The following C7orf25 variants were observed in gnomAD, a reference collection of about 807,000 sequenced individuals.
C7orf25 encodes chromosome 7 open reading frame 25, also known as UPF0415 protein C7orf25.
C7orf25 carries 14 observed loss-of-function variants against 25.5 expected under a neutral mutation model. That is an observed-to-expected ratio of 0.55 (90% confidence interval 0.36 to 0.86). C7orf25 has a LOEUF of 0.86. Ranked by LOEUF, C7orf25 falls within the 40% of genes least tolerant of loss-of-function variation. C7orf25 has a pLI of 0.01. For synonymous variants in C7orf25, 184 were observed against 179.9 expected, an observed-to-expected ratio of 1.02 and a Z score of -0.18; for missense variants, 405 against 493.9, an observed-to-expected ratio of 0.82 and a Z score of 1.71.
At position 42,911,936 on chromosome 7, in the gene C7orf25, C is replaced by A; in HGVS notation, c.-43G>T. On this transcript the variant is annotated 5_prime_UTR_variant, in exon 1 of 2. Coordinates refer to ENST00000350427, the MANE Select transcript of C7orf25 (RefSeq NM_001099858.2). The stretch of plus-strand genomic sequence containing the variant: ...TCACCGGCAGCGCCAGAACCGCGAG[C>A]GCGAGCACGCAGGCGCGTGCACGCA... The A allele has an allele frequency of 6.7e-7, 1 of 1,481,512 alleles. No homozygotes were observed. Among genetic ancestry groups the A allele is most frequent in the East Asian group, 2.9e-5 (1 of 34,174 alleles). 91.8% of individuals were successfully genotyped at this position (1,481,512 alleles called of 1,614,324 possible).
chr7:42,911,950 C>CGCT lies in C7orf25; in HGVS notation c.-58_-57insAGC. ...AGAACCGCGAGCGCGAGCACGCAGG[C>CGCT]GCGTGCACGCAGAGGCCGGGACCCG... On this transcript the variant is annotated 5_prime_UTR_variant, in exon 1 of 2. Transcript: ENST00000350427. 1 of 1,488,724 alleles carries CGCT rather than the reference C, an allele frequency of 6.7e-7. No homozygotes were observed. The highest frequency in any genetic ancestry group is 8.9e-7 in the Non-Finnish European group (1 of 1,127,340). The allele number at this position is 1,488,724 out of a possible 1,614,324, so 92.2% of individuals were successfully genotyped here.
In C7orf25 at chr7:42,910,655, C is replaced by G; in HGVS notation, c.246G>C (p.Leu82=). 1 of 1,614,116 alleles carries G rather than the reference C, an allele frequency of 6.2e-7. No individual in the cohort carries two copies. Among genetic ancestry groups the G allele is most frequent in the Non-Finnish European group, 8.5e-7 (1 of 1,180,044 alleles). The stretch of plus-strand genomic sequence containing the variant: ...CATGAAGAACACTAACAACTTCTTC[C>G]AGGTTTTCTGCTGATTCCACAATGG... The part of the protein sequence containing the change: ...LRAIVESAEN[L]EEVVSVLHVF... The change falls in exon 2 of 2, where the codon CTG becomes CTC. Residue 82 remains leucine (L), a synonymous_variant. Transcript: ENST00000350427.
Position 42,910,939 on chromosome 7 carries a change from G to C in C7orf25, c.-21-18C>G. 1.2e-6 allele frequency: 2 copies of C among 1,607,906 alleles called. No homozygotes were observed. Among genetic ancestry groups the C allele is most frequent in the Non-Finnish European group, 1.7e-6 (2 of 1,179,338 alleles). The stretch of plus-strand genomic sequence containing the variant: ...TTCCTTTCCTAGGGAAAGAAACAAG[G>C]CAAACTTCAGTAGTCTCCTAAAATT... On this transcript the variant is annotated intron_variant, in intron 1 of 1. Coordinates refer to ENST00000350427, the MANE Select transcript of C7orf25 (RefSeq NM_001099858.2).
At chr7:42,911,853 C>A (rs578013526) in intron 1 of C7orf25, 62 bp downstream of exon 1, 212 of 1,372,340 alleles carry the variant, frequency 1.5e-4, no homozygotes, top group Admixed American at 2.6e-4. Flanking sequence ...TGCCCAGCCC[C>A]CTCTGGCCTC....
rs556021449 is a variant in C7orf25 at position 42,909,348 on chromosome 7, T to C, written c.*287A>G. On this transcript the variant is annotated 3_prime_UTR_variant, in exon 2 of 2. Coordinates refer to ENST00000350427, the MANE Select transcript of C7orf25 (RefSeq NM_001099858.2). ...TGAAATGTGGTTAGCAGTAGGGGAG[T>C]TGTAGCCCTATCGAATCAAAGTATT... 1.2e-4 allele frequency: 37 copies of C among 320,994 alleles called. No individual in the cohort carries two copies. The highest frequency in any genetic ancestry group is 1.8e-4 in the Non-Finnish European group (32 of 176,422). The allele number at this position is 320,994 out of a possible 1,614,324, so 19.9% of individuals were successfully genotyped here.
At chr7:42,911,684 T>C (rs1785904324) in intron 1 of C7orf25, 2 of 1,146,622 alleles carry the variant, frequency 1.7e-6, no homozygotes, top group Admixed American at 4.8e-5. Flanking sequence ...CGGCGGGGCC[T>C]TCTCGGTGGG....
intron 1 of C7orf25, 47 bp downstream of exon 1, chr7:42,911,868 G>A (rs1164639740): frequency 1.4e-6 from 2 of 1,395,908 alleles, no homozygotes; most frequent in African/African-American, 1.5e-5. Flanking sequence ...GGCCTCAGAA[G>A]AGGCGCCCCG....
rs1321804938 is a variant in C7orf25 at position 42,910,453 on chromosome 7, G to C, written c.448C>G (p.Leu150Val). ...KSIIEQAEDF[L>V]QASHQQPVQY... Reference sequence around the variant, plus strand: ...ACTGGCTGCTGGTGACTGGCCTGGAGGAAGTCTTCAGCCTGCTCAATGATG... The same window carrying C: ...ACTGGCTGCTGGTGACTGGCCTGGACGAAGTCTTCAGCCTGCTCAATGATG... The change falls in exon 2 of 2, where the codon CTC becomes GTC. Residue 150 changes from leucine (L) to valine (V), a missense_variant. Physicochemically the swap from Leu to Val is conservative, Grantham distance 32. Coordinates refer to ENST00000350427, the MANE Select transcript of C7orf25 (RefSeq NM_001099858.2). The C allele has an allele frequency of 6.2e-7, 1 of 1,614,106 alleles. No individual in the cohort carries two copies. Among genetic ancestry groups the C allele is most frequent in the African/African-American group, 1.3e-5 (1 of 74,932 alleles).
rs1238039138 is a variant in C7orf25 at position 42,910,787 on chromosome 7, C to T, written c.114G>A (p.Leu38=). ...TTAATTCTGCCTTCAATTTGCTGCA[C>T]AGCTTTGCACCACCTTCTATGCCAC... The part of the protein sequence containing the change: ...RKGGIEGGAK[L]CSKLKAELKF... Residue 38 remains leucine, a synonymous_variant, in exon 2 of 2, where the codon CTG becomes CTA. Coordinates refer to ENST00000350427, the MANE Select transcript of C7orf25 (RefSeq NM_001099858.2). 5 of 1,614,112 alleles carry T rather than the reference C, an allele frequency of 3.1e-6. No homozygotes were observed. The highest frequency in any genetic ancestry group is 1.3e-5 in the African/African-American group (1 of 74,942).
At position 42,909,851 on chromosome 7, in the gene C7orf25, G is replaced by T; in HGVS notation, c.1050C>A (p.Ala350=). 6.2e-7 allele frequency: 1 copy of T among 1,614,134 alleles called. No individual in the cohort carries two copies. Among genetic ancestry groups the T allele is most frequent in the Non-Finnish European group, 8.5e-7 (1 of 1,180,032 alleles). ...ATGAGCGGCTATTAATTTTTGAACTGGCCACTAGTCTCAAGGCACGCTCAG... is the reference window on the plus strand; with the variant it reads ...ATGAGCGGCTATTAATTTTTGAACTTGCCACTAGTCTCAAGGCACGCTCAG... ...QPSERALRLV[A]SSKINSRSLT... The change falls in exon 2 of 2, where the codon GCC becomes GCA. Residue 350 remains alanine, a synonymous_variant. Transcript: ENST00000350427.
At chr7:42,910,996 A>C in intron 1 of C7orf25, 75 bp from the exon 2 acceptor site, 1 of 1,596,836 alleles carries the variant, frequency 6.3e-7, no homozygotes, top group Non-Finnish European at 8.5e-7. Context: ...GTGATTAAAA[A>C]CTTCAATCTA....
rs1169145870 is a variant in C7orf25, at chr7:42,909,815, A to C, written c.1086T>G (p.Phe362Leu). The C allele has an allele frequency of 1.2e-6, 2 of 1,614,094 alleles. No homozygotes were observed. The highest frequency in any genetic ancestry group is 2.7e-5 in the African/African-American group (2 of 74,924). ...TGGCTTTTAGGGTGTCTCCCGTCCC[A>C]AAAATTGTTAATGAGCGGCTATTAA... ...SKINSRSLTIFGTGDTLKAIT... is the reference protein window; with the variant it reads ...SKINSRSLTILGTGDTLKAIT... Residue 362 changes from phenylalanine to leucine, a missense_variant, in exon 2 of 2, where the codon TTT becomes TTG. Physicochemically the swap from Phe to Leu is conservative, Grantham distance 22. Transcript: ENST00000350427.
chr7:42,911,472 A>G, intron 1 of C7orf25: 6 of 1,002,924 alleles, frequency 6.0e-6, no homozygotes, highest in Non-Finnish European at 7.1e-6. Flanking sequence ...ACTTACGCCA[A>G]AAAAAATCAA....
intron 1 of C7orf25, 96 bp downstream of exon 1, chr7:42,911,819 A>ACCCCCTTCCCGCCGGGCCGG: frequency 1.6e-6 from 2 of 1,289,896 alleles, no homozygotes; most frequent in Non-Finnish European, 2.0e-6. Flanking sequence ...CGCGCGGCCG[A>ACCCCCTTCCCGCCGGGCCGG]CCCCCTTCCC....
rs1228186601 is a variant in C7orf25 at position 42,911,876 on chromosome 7, CCGCTCCCAGCCTCCCCGCCT to C, written c.-22+19_-22+38del. 2.1e-6 allele frequency: 3 copies of C among 1,405,660 alleles called. No homozygotes were observed. Among genetic ancestry groups the C allele is most frequent in the Non-Finnish European group, 2.8e-6 (3 of 1,087,036 alleles). 87.1% of individuals were successfully genotyped at this position (1,405,660 alleles called of 1,614,324 possible). A position where few individuals can be genotyped will look rare whatever the true frequency, so the allele number is the denominator to read the frequency against. ...CCCCTCTGGCCTCAGAAGAGGCGCC[CCGCTCCCAGCCTCCCCGCCT>C]CGCTCCCCGGCTCCTCACCGGCAGC... is the stretch of plus-strand genomic sequence containing the variant. On this transcript the variant is annotated intron_variant, in intron 1 of 1. Coordinates refer to ENST00000350427, the MANE Select transcript of C7orf25 (RefSeq NM_001099858.2).
At position 42,911,929 on chromosome 7, in the gene C7orf25, C is replaced by CCGCGAGCGCGAGCACGCAGG; in HGVS notation, c.-56_-37dup. ...CGGCTCCTCACCGGCAGCGCCAGAACCGCGAGCGCGAGCACGCAGGCGCGT... is the reference window on the plus strand; with the variant it reads ...CGGCTCCTCACCGGCAGCGCCAGAACCGCGAGCGCGAGCACGCAGGCGCGAGCGCGAGCACGCAGGCGCGT... On this transcript the variant is annotated 5_prime_UTR_variant, in exon 1 of 2. Transcript: ENST00000350427. 1 of 1,481,128 alleles carries CCGCGAGCGCGAGCACGCAGG rather than the reference C, an allele frequency of 6.8e-7. No individual in the cohort carries two copies. The highest frequency in any genetic ancestry group is 2.9e-5 in the East Asian group (1 of 34,172). 91.7% of individuals were successfully genotyped at this position (1,481,128 alleles called of 1,614,324 possible).
intron 1 of C7orf25, 135 bp from the exon 2 acceptor site, chr7:42,911,056 C>G: frequency 7.0e-7 from 1 of 1,422,154 alleles, no homozygotes. Flanking sequence ...TTGTGTATGT[C>G]TCATTCTGGA....
At chr7:42,911,756 GGCCGAAAAGCCCCCACCGCCAGC>G (rs1785908754) in intron 1 of C7orf25, 136 bp downstream of exon 1, 17 of 1,229,572 alleles carry the variant, frequency 1.4e-5, no homozygotes, top group Non-Finnish European at 1.7e-5. Flanking sequence ...GAGGGGCCGG[GGCCGAAAAGCCCCCACCGCCAGC>G]GCCGCGGCTC....
In C7orf25 at chr7:42,910,537, G is replaced by A. The variant is rs746262366; in HGVS notation, c.364C>T (p.Arg122Trp). The part of the protein sequence containing the change: ...GGHTWVKAIG[R>W]KAEALHNIWL... ...ATGTTATGAAGAGCTTCAGCCTTCC[G>A]GCCAATGGCTTTCACCCAAGTATGA... The change falls in exon 2 of 2, where the codon CGG becomes TGG. Residue 122 changes from arginine to tryptophan, a missense_variant. Physicochemically the swap from Arg to Trp is moderately radical, Grantham distance 101 (BLOSUM62 -3). Transcript: ENST00000350427. 11 of 1,614,020 alleles carry A rather than the reference G, an allele frequency of 6.8e-6. No homozygotes were observed. The highest frequency in any genetic ancestry group is 2.2e-5 in the East Asian group (1 of 44,896).
Sources: allele counts gnomAD v4.1 joint callset, GRCh38; gene constraint gnomAD v4.1.1; transcripts MANE v1.5; gene names NCBI Gene and HGNC (gene_info 2026-07-23, HGNC 2026-07-21).